The following HMCN2 variants were observed in gnomAD, a reference collection of about 807,000 sequenced individuals.
HMCN2 encodes hemicentin-2.
Under a neutral mutation model 377.5 loss-of-function variants are expected in HMCN2, and 325 were observed. The ratio of observed to expected loss-of-function variants is 0.86; its 90% CI spans 0.79 to 0.94. HMCN2 has a LOEUF of 0.94. HMCN2 is among the 40% of genes least tolerant of loss of function. The pLI is 0.00. For synonymous variants in HMCN2, 2,007 were observed against 2,046.8 expected (o/e 0.98, Z 0.53); for missense variants, 4,543 against 4,725.3 (o/e 0.96, Z 1.13).
intron 18 of HMCN2, 26 bp downstream of exon 18, chr9:130,320,929 G>A (rs1837820335): frequency 1.3e-5 from 2 of 152,464 alleles, no homozygotes; most frequent in African/African-American, 4.8e-5. Flanking sequence ...CTCTGGGTGC[G>A]GTGGGCGGTG....
Position 130,303,357 on chromosome 9 carries a change from T to C in HMCN2, c.1422-130T>C, listed in dbSNP as rs868918508. 3 of 302,964 alleles carry C rather than the reference T, an allele frequency of 9.9e-6. No individual in the cohort carries two copies. Among genetic ancestry groups the C allele is most frequent in the Middle Eastern group, 8.8e-4 (1 of 1,138 alleles). 18.8% of individuals were successfully genotyped at this position (302,964 alleles called of 1,614,324 possible). On this transcript the variant is annotated intron_variant, in intron 9 of 97. Transcript: ENST00000683500. The surrounding 1 kb of genome is among the most constrained non-coding windows in gnomAD (Gnocchi z 5.2). Reference sequence around the variant, plus strand: ...GAATTTCCATGTGCTTGGCTGTGTATGTCTTCTTACCGCATCTCACAGAGG... The same window carrying C: ...GAATTTCCATGTGCTTGGCTGTGTACGTCTTCTTACCGCATCTCACAGAGG...
rs542167343 is a variant in HMCN2, at chr9:130,414,960, G to A, written c.12962-3812G>A. Among the ~76,000 whole-genome samples the A allele has an allele frequency of 2.7e-5, 4 of 149,184 alleles. No homozygotes were observed. Among genetic ancestry groups the A allele is most frequent in the East Asian group, 2.0e-4 (1 of 4,990 alleles). On this transcript the variant is annotated intron_variant, in intron 85 of 97. Coordinates refer to ENST00000683500, the MANE Select transcript of HMCN2 (RefSeq NM_001291815.2). This position sits in a 1 kb window ranked among gnomAD's most constrained non-coding sequence, Gnocchi z 4.4. The stretch of plus-strand genomic sequence containing the variant: ...GTCACCACTGAGTGGGAAGCCCCTC[G>A]CCTACACAGGCCGAGTGGGGAGCAA...
rs1000255601 is a variant in HMCN2, at chr9:130,265,884, G to T, written c.6G>T (p.Met2Ile). 5.0e-5 allele frequency: 18 copies of T among 363,124 alleles called. No individual in the cohort carries two copies. The highest frequency in any genetic ancestry group is 1.4e-4 in the South Asian group (7 of 49,332). The allele number at this position is 363,124 out of a possible 1,614,324, so 22.5% of individuals were successfully genotyped here. M[M>I]PGAPLLRLLT... ...CAGCCAGAGCCGCGCTCGGCATGAT[G>T]CCCGGGGCGCCGCTCCTGCGGCTGC... Residue 2 changes from methionine (M) to isoleucine (I), a missense_variant, in exon 1 of 98, where the codon ATG (methionine) becomes ATT (isoleucine). By Grantham distance (10) the Met-to-Ile change is conservative. Around this residue, in one of 5 missense-constraint regions of HMCN2, gnomAD observed 547 missense variants for 189.9 expected, o/e 2.88. Coordinates refer to ENST00000683500, the MANE Select transcript of HMCN2 (RefSeq NM_001291815.2).
At chr9:130,333,058 A>G (rs1394712665) in intron 22 of HMCN2, among the ~76,000 whole-genome samples, 4 of 152,190 alleles carry the variant, frequency 2.6e-5, no homozygotes, top group East Asian at 1.9e-4. Context: ...ACCCGTGTCA[A>G]TGAAGGCGGT....
intron 22 of HMCN2, among the ~76,000 whole-genome samples, chr9:130,331,255 T>C (rs1838413722): frequency 6.6e-6 from 1 of 152,118 alleles, no homozygotes; most frequent in Admixed American, 6.5e-5. Flanking sequence ...TTGCCAGCTC[T>C]CGCGGTCATA....
chr9:130,382,780 G>C lies in HMCN2; in HGVS notation c.8647G>C (p.Val2883Leu). 1.0e-6 allele frequency: 1 copy of C among 985,900 alleles called. No individual in the cohort carries two copies. Among genetic ancestry groups the C allele is most frequent in the Non-Finnish European group, 1.2e-6 (1 of 829,976 alleles). 61.1% of individuals were successfully genotyped at this position (985,900 alleles called of 1,614,324 possible). ...SLQCPALGNPVPTISWLQNGL... is the reference protein window; with the variant it reads ...SLQCPALGNPLPTISWLQNGL... ...GCAGTGCCCGGCCCTGGGAAACCCC[G>C]TGCCCACCATCTCATGGCTCCAGAA... The change falls in exon 56 of 98, where the codon GTG (valine) becomes CTG (leucine). Residue 2883 changes from valine (V) to leucine (L), a missense_variant. Val to Leu is a conservative substitution (Grantham distance 32, BLOSUM62 1). This residue lies in a region of HMCN2 where 736 missense variants were observed against 773.2 expected (regional missense o/e 0.95). Transcript: ENST00000683500.
intron 22 of HMCN2, among the ~76,000 whole-genome samples, chr9:130,336,648 G>A (rs1169787979): frequency 1.3e-5 from 2 of 152,162 alleles, no homozygotes; most frequent in African/African-American, 2.4e-5. Flanking sequence ...CATCCTCAGA[G>A]AACTTGTCCC....
Position 130,304,711 on chromosome 9 carries a change from T to G in HMCN2, c.1544-19T>G, listed in dbSNP as rs1554935882. ...CTTGCCTCAGCTCCTTGGTTCCTCC[T>G]GTGCTCATGTCCCTGCAGACCCCCC... On this transcript the variant is annotated intron_variant, in intron 10 of 97. Coordinates refer to ENST00000683500, the MANE Select transcript of HMCN2 (RefSeq NM_001291815.2). This position sits in a 1 kb window ranked among gnomAD's most constrained non-coding sequence, Gnocchi z 4.3. The G allele has an allele frequency of 2.2e-6, 1 of 453,760 alleles. No individual in the cohort carries two copies. Among genetic ancestry groups the G allele is most frequent in the East Asian group, 7.1e-5 (1 of 14,030 alleles). 28.1% of individuals were successfully genotyped at this position (453,760 alleles called of 1,614,324 possible).
At chr9:130,310,164 T>C (rs1306657732) in intron 15 of HMCN2, 103 bp downstream of exon 15, 3 of 348,036 alleles carry the variant, frequency 8.6e-6, no homozygotes, top group Non-Finnish European at 1.2e-5. Context: ...AAGTGGCCAG[T>C]GTAGATGGCA....
chr9:130,417,524 AAAAAAAAAAAAAAC>A (rs1843759997), intron 85 of HMCN2, among the ~76,000 whole-genome samples: 2 of 134,622 alleles, frequency 1.5e-5, no homozygotes, highest in South Asian at 2.7e-4. Context: ...TCCGTCTCAA[AAAAAAAAAAAAAAC>A]AAAAAAAAAC....
In HMCN2 at chr9:130,390,341, C is replaced by T. The variant is rs12553572; in HGVS notation, c.9524-636C>T. On this transcript the variant is annotated intron_variant, in intron 62 of 97. Transcript: ENST00000683500. ...CCCCTTGTTTCATGGCCCCCACCCCCGATACATTGTGAACTCCTTGAGGAC... is the reference window on the plus strand; with the variant it reads ...CCCCTTGTTTCATGGCCCCCACCCCTGATACATTGTGAACTCCTTGAGGAC... 2.7e-3 allele frequency among the ~76,000 whole-genome samples: 416 copies of T among 152,306 alleles called. 3 individuals carry two copies. In the East Asian group the frequency reaches 0.029, roughly 11 times the overall value.
chr9:130,277,050 G>A (rs1486182282), intron 1 of HMCN2, among the ~76,000 whole-genome samples: 5 of 152,242 alleles, frequency 3.3e-5, no homozygotes, highest in South Asian at 4.1e-4. Context: ...CGTGTCCACC[G>A]GGACACATGA....
intron 15 of HMCN2, among the ~76,000 whole-genome samples, chr9:130,319,112 GAAA>G (rs1256261767): frequency 6.6e-6 from 1 of 152,182 alleles, no homozygotes; most frequent in Non-Finnish European, 1.5e-5. Context: ...GGCAGGGGTA[GAAA>G]TGAAGGCTCA....
intron 4 of HMCN2, among the ~76,000 whole-genome samples, chr9:130,292,249 C>T (rs562157303): frequency 6.6e-6 from 1 of 152,148 alleles, no homozygotes; most frequent in African/African-American, 2.4e-5. Flanking sequence ...GGTTGGGCTG[C>T]GTTTTTGCCT....
rs1277858868 is a variant in HMCN2, at chr9:130,428,444, G to A, written c.14152G>A (p.Asp4718Asn). 41 of 1,545,414 alleles carry A rather than the reference G, an allele frequency of 2.7e-5. No individual in the cohort carries two copies. Among genetic ancestry groups the A allele is most frequent in the Admixed American group, 2.2e-4 (11 of 50,982 alleles). ...GCTCGGGTCCTACCGCTGCCTCCCC[G>A]ACTGTGGGCCTGGCTTCCGGGTGGC... is the stretch of plus-strand genomic sequence containing the variant. Reference protein sequence around the residue: ...NLLGSYRCLPDCGPGFRVADG... With the variant: ...NLLGSYRCLPNCGPGFRVADG... The change falls in exon 93 of 98, where the codon GAC (aspartate) becomes AAC (asparagine). Residue 4718 changes from aspartate to asparagine, a missense_variant. Asp to Asn is a conservative substitution (Grantham distance 23). Around this residue, in one of 5 missense-constraint regions of HMCN2, gnomAD observed 1,155 missense variants for 1,157.7 expected, o/e 1.00. Transcript: ENST00000683500. The surrounding 1 kb of genome is among the most constrained non-coding windows in gnomAD (Gnocchi z 5.0).
chr9:130,310,764 A>G (rs1319511050), intron 15 of HMCN2, among the ~76,000 whole-genome samples: 2 of 152,112 alleles, frequency 1.3e-5, no homozygotes, highest in African/African-American at 2.4e-5. Flanking sequence ...AGTTTGGTTC[A>G]GCTCGGGATG....
chr9:130,408,279 C>T (rs948457439), intron 83 of HMCN2, among the ~76,000 whole-genome samples: 1 of 152,164 alleles, frequency 6.6e-6, no homozygotes, highest in Non-Finnish European at 1.5e-5. Flanking sequence ...TCCAGAGCAT[C>T]GAAGAGTGTT....
chr9:130,411,330 G>A (rs777462569), intron 85 of HMCN2, among the ~76,000 whole-genome samples: 1 of 151,982 alleles, frequency 6.6e-6, no homozygotes, highest in East Asian at 1.9e-4. Flanking sequence ...GGCTGGGCTC[G>A]GTGACTCACA....
chr9:130,348,417 G>T (rs1839505738), intron 26 of HMCN2, 128 bp from the exon 27 acceptor site: 1 of 1,213,898 alleles, frequency 8.2e-7, no homozygotes, highest in African/African-American at 1.6e-5. Flanking sequence ...TTGTGGCTGG[G>T]CGGACGGGGA....
Sources: allele counts gnomAD v4.1 joint callset (sites outside exome capture counted in the v4.1 genomes callset), GRCh38; gene constraint gnomAD v4.1.1; regional missense constraint gnomAD v4.1.1; non-coding constraint Gnocchi (gnomAD v3.1); transcripts MANE v1.5; gene names NCBI Gene and HGNC (gene_info 2026-07-23, HGNC 2026-07-21).